ZC3H12D: variants seen among roughly 807,000 people sequenced by gnomAD.
ZC3H12D encodes the protein zinc finger CCCH-type containing 12D.
ZC3H12D carries 11 observed loss-of-function variants against 24.2 expected under a neutral mutation model. The observed-to-expected ratio is 0.46, with a 90% CI of 0.29 to 0.75. The LOEUF (loss-of-function observed/expected upper bound fraction) is 0.75, where lower values mean the gene tolerates loss of function less well. ZC3H12D is among the 30% of genes least tolerant of loss of function. ZC3H12D has a pLI of 0.11. For synonymous variants in ZC3H12D, 333 were observed against 341.8 expected (o/e 0.97, Z 0.28); for missense variants, 740 against 767.7 (o/e 0.96, Z 0.43).
intron 1 of ZC3H12D, among the ~76,000 whole-genome samples, chr6:149,481,947 C>A (rs1316164680): frequency 6.6e-6 from 1 of 152,246 alleles, no homozygotes; most frequent in Non-Finnish European, 1.5e-5. Context: ...TCTTTTGTAA[C>A]TTGCGCTCCA....
intron 2 of ZC3H12D, among the ~76,000 whole-genome samples, chr6:149,469,856 C>G (rs150639138): frequency 1.3e-5 from 2 of 152,276 alleles, no homozygotes; most frequent in East Asian, 3.9e-4. Flanking sequence ...CAGGGCTTGT[C>G]AACTGCAGCC....
rs751700621 is a variant in ZC3H12D at position 149,448,709 on chromosome 6, A to G, written c.*1974T>C. 6.6e-6 allele frequency: 1 copy of G among 152,266 alleles called. No homozygotes were observed. Among genetic ancestry groups the G allele is most frequent in the Non-Finnish European group, 1.5e-5 (1 of 68,060 alleles). The allele number at this position is 152,266 out of a possible 1,614,324, so 9.4% of individuals were successfully genotyped here. ...GGGGGTAAGGAACAGATCTGGCTCAATCCATGCTAAGAATCTGGTTTTAAA... is the reference window on the plus strand; with the variant it reads ...GGGGGTAAGGAACAGATCTGGCTCAGTCCATGCTAAGAATCTGGTTTTAAA... On this transcript the variant is annotated 3_prime_UTR_variant, in exon 6 of 6. Transcript: ENST00000409806.
intron 2 of ZC3H12D, among the ~76,000 whole-genome samples, chr6:149,472,039 A>G (rs1454288285): frequency 6.6e-6 from 1 of 152,204 alleles, no homozygotes; most frequent in African/African-American, 2.4e-5. Context: ...ACAATGAGAC[A>G]CCACTTTGGG....
intron 1 of ZC3H12D, among the ~76,000 whole-genome samples, chr6:149,483,979 T>C (rs982262744): frequency 1.3e-5 from 2 of 152,228 alleles, no homozygotes; most frequent in African/African-American, 4.8e-5. Flanking sequence ...GATGTTGCTG[T>C]GAACATAAGT....
In ZC3H12D at chr6:149,448,074, G is replaced by A. The variant is rs1332608904; in HGVS notation, c.*2609C>T. 6.6e-6 allele frequency: 1 copy of A among 152,156 alleles called. No homozygotes were observed. The highest frequency in any genetic ancestry group is 1.5e-5 in the Non-Finnish European group (1 of 68,066). The allele number at this position is 152,156 out of a possible 1,614,324, so 9.4% of individuals were successfully genotyped here. On this transcript the variant is annotated 3_prime_UTR_variant, in exon 6 of 6. Transcript: ENST00000409806. Reference sequence around the variant, plus strand: ...TGGGAGGCTGAGGCGGGGATCACAAGGTCAGGAGATCGAGACCATCCTGGC... The same window carrying A: ...TGGGAGGCTGAGGCGGGGATCACAAAGTCAGGAGATCGAGACCATCCTGGC...
Position 149,448,366 on chromosome 6 carries a change from G to A in ZC3H12D, c.*2317C>T, listed in dbSNP as rs887189450. The A allele has an allele frequency of 3.3e-5, 5 of 151,750 alleles. No homozygotes were observed. Among genetic ancestry groups the A allele is most frequent in the Non-Finnish European group, 7.4e-5 (5 of 67,978 alleles). 9.4% of individuals were successfully genotyped at this position (151,750 alleles called of 1,614,324 possible). ...GGTGGCTCATGCCTGTAATCCCAAC[G>A]CTTTGGGTCTTTACAAAAAATAGAA... On this transcript the variant is annotated 3_prime_UTR_variant, in exon 6 of 6. Coordinates refer to ENST00000409806, the MANE Select transcript of ZC3H12D (RefSeq NM_207360.3).
At chr6:149,458,590 C>T (rs1052846727) in intron 3 of ZC3H12D, among the ~76,000 whole-genome samples, 35 of 152,136 alleles carry the variant, frequency 2.3e-4, no homozygotes, top group African/African-American at 7.2e-4. Flanking sequence ...TCTAAGTCCC[C>T]GGCACAGAAG....
rs550084827 is a variant in ZC3H12D, at chr6:149,462,997, C to T, written c.306-1027G>A. ...CCTTGTGATCGTGTGAGTCACTACTCCTTAATAAACTCCCCTTCATATATA... is the reference window on the plus strand; with the variant it reads ...CCTTGTGATCGTGTGAGTCACTACTTCTTAATAAACTCCCCTTCATATATA... On this transcript the variant is annotated intron_variant, in intron 2 of 5. Transcript: ENST00000409806. 1.5e-4 allele frequency among the ~76,000 whole-genome samples: 23 copies of T among 152,316 alleles called. No homozygotes were observed. In the South Asian group the frequency reaches 3.7e-3, roughly 25 times the overall value.
At chr6:149,459,563 G>T (rs1344396431) in intron 3 of ZC3H12D, 3 of 717,008 alleles carry the variant, frequency 4.2e-6, no homozygotes, top group African/African-American at 3.5e-5. Context: ...AGCACTTCTG[G>T]TGGTGGAGAT....
chr6:149,455,351 G>A (rs577782885), intron 4 of ZC3H12D, among the ~76,000 whole-genome samples: 146 of 152,280 alleles, frequency 9.6e-4, no homozygotes, highest in African/African-American at 3.1e-3. Context: ...GACACCGCAC[G>A]TAAGACAGAT....
In ZC3H12D at chr6:149,448,309, A is replaced by T. The variant is rs945161765; in HGVS notation, c.*2374T>A. On this transcript the variant is annotated 3_prime_UTR_variant, in exon 6 of 6. Transcript: ENST00000409806. ...TCCGTTTCAAAAATAATAATAATAA[A>T]AATTAAAATAAAAAAAATAAAGGCC... is the stretch of plus-strand genomic sequence containing the variant. 2.6e-5 allele frequency: 4 copies of T among 151,880 alleles called. No homozygotes were observed. The highest frequency in any genetic ancestry group is 1.9e-4 in the East Asian group (1 of 5,174). 9.4% of individuals were successfully genotyped at this position (151,880 alleles called of 1,614,324 possible). A position where few individuals can be genotyped will look rare whatever the true frequency, so the allele number is the denominator to read the frequency against.
intron 2 of ZC3H12D, among the ~76,000 whole-genome samples, chr6:149,466,397 AAG>A (rs1309456987): frequency 1.3e-5 from 2 of 151,952 alleles, no homozygotes; most frequent in Non-Finnish European, 2.9e-5. Context: ...CTACCTAAAA[AAG>A]AGGGGAAGAT....
intron 1 of ZC3H12D, among the ~76,000 whole-genome samples, chr6:149,478,829 T>G (rs1776381476): frequency 6.6e-6 from 1 of 152,008 alleles, no homozygotes; most frequent in South Asian, 2.1e-4. Context: ...ACCTGATGAC[T>G]GTAACAGCCT....
rs747389434 is a variant in ZC3H12D at position 149,450,645 on chromosome 6, C to T, written c.*38G>A. 4 of 1,468,816 alleles carry T rather than the reference C, an allele frequency of 2.7e-6. No individual in the cohort carries two copies. Among genetic ancestry groups the T allele is most frequent in the South Asian group, 2.7e-5 (2 of 74,486 alleles). The allele number at this position is 1,468,816 out of a possible 1,614,324, so 91.0% of individuals were successfully genotyped here. ...AGGTCCACCCGTCCAAGACGCAAGGCGAGGCTGGGCCATTCCCTGCAAGTG... is the reference window on the plus strand; with the variant it reads ...AGGTCCACCCGTCCAAGACGCAAGGTGAGGCTGGGCCATTCCCTGCAAGTG... On this transcript the variant is annotated 3_prime_UTR_variant, in exon 6 of 6. Transcript: ENST00000409806.
chr6:149,480,502 T>G (rs920022760), intron 1 of ZC3H12D, among the ~76,000 whole-genome samples: 3 of 152,238 alleles, frequency 2.0e-5, no homozygotes, highest in African/African-American at 4.8e-5. Flanking sequence ...CAGTGGCTTA[T>G]GCCTGTAATC....
chr6:149,474,293 G>A lies in ZC3H12D; in HGVS notation c.251C>T (p.Thr84Ile). The change falls in exon 2 of 6, where the codon ACC becomes ATC. Residue 84 changes from threonine to isoleucine, a missense_variant. By Grantham distance (89) the Thr-to-Ile change is moderately conservative. Transcript: ENST00000409806. ...TATGGGTCGCAGAGAACTGGCCAGG[G>A]TTCTGAAGTCCTCTTCCAGGGCTGT... ...PGTALEEDFR[T>I]LASSLRPIVI... is the part of the protein sequence containing the mutation. 1 of 1,570,804 alleles carries A rather than the reference G, an allele frequency of 6.4e-7. No individual in the cohort carries two copies. Among genetic ancestry groups the A allele is most frequent in the African/African-American group, 1.4e-5 (1 of 73,548 alleles).
chr6:149,453,128 C>CAAAA (rs59814309), intron 4 of ZC3H12D, among the ~76,000 whole-genome samples: 3 of 106,104 alleles, frequency 2.8e-5, no homozygotes, highest in Admixed American at 9.7e-5. Context: ...CTACAGAAAG[C>CAAAA]AAAAAAAAAA....
At chr6:149,451,519 CG>C in intron 5 of ZC3H12D, 40 bp from the exon 6 acceptor site, 3 of 1,506,688 alleles carry the variant, frequency 2.0e-6, no homozygotes, top group African/African-American at 1.4e-5. Context: ...ACGTGAGGCC[CG>C]GGGGCGCGGA....
intron 2 of ZC3H12D, among the ~76,000 whole-genome samples, chr6:149,471,932 G>A (rs1562476651): frequency 6.6e-6 from 1 of 152,258 alleles, no homozygotes; most frequent in Non-Finnish European, 1.5e-5. Flanking sequence ...TTCAAAAACA[G>A]AAAATGGCAA....
Sources: gnomAD v4.1 joint callset for allele counts (sites outside exome capture counted in the v4.1 genomes callset) on GRCh38, gnomAD v4.1.1 for gene constraint, MANE v1.5 for transcripts, NCBI Gene and HGNC (gene_info 2026-07-23, HGNC 2026-07-21) for gene names.